The following DDAH1 variants were observed in gnomAD, a reference collection of about 807,000 sequenced individuals.
The protein encoded by DDAH1 is N(G),N(G)-dimethylarginine dimethylaminohydrolase 1.
In DDAH1, 19 loss-of-function variants were observed where a neutral mutation model predicts 28.8. The ratio of observed to expected loss-of-function variants is 0.66; its 90% CI spans 0.46 to 0.97. DDAH1 has a LOEUF of 0.97. Among genes scored for constraint, DDAH1 ranks in the 50% least tolerant of loss-of-function variants. The pLI is 0.00. For synonymous variants in DDAH1, 153 were observed against 154.4 expected, an observed-to-expected ratio of 0.99 and a Z score of 0.07; for missense variants, 326 against 375.9, an observed-to-expected ratio of 0.87 and a Z score of 1.10.
intron 4 of DDAH1, among the ~76,000 whole-genome samples, chr1:85,330,874 G>T (rs233133): frequency 0.37 from 56,135 of 152,042 alleles, 10,473 homozygotes; most frequent in South Asian, 0.42. Context: ...GAGATGAAAA[G>T]CTATCATTTA....
intron 1 of DDAH1, among the ~76,000 whole-genome samples, chr1:85,373,408 C>A (rs970007380): frequency 2.6e-5 from 4 of 151,974 alleles, no homozygotes; most frequent in Admixed American, 2.6e-4. Flanking sequence ...AAAGGAGGGA[C>A]CTGTTATCTC....
chr1:85,352,321 T>A (rs961478381), intron 2 of DDAH1, among the ~76,000 whole-genome samples: 3 of 152,044 alleles, frequency 2.0e-5, no homozygotes, highest in Admixed American at 1.3e-4. Flanking sequence ...CCAGGGTGGG[T>A]TGCCGCCTTG....
intron 1 of DDAH1, among the ~76,000 whole-genome samples, chr1:85,361,448 A>G (rs1267931143): frequency 6.6e-6 from 1 of 152,238 alleles, no homozygotes; most frequent in Admixed American, 6.6e-5. Context: ...TGTGGAACTT[A>G]GCATTACTCA....
intron 1 of DDAH1, among the ~76,000 whole-genome samples, chr1:85,553,641 G>T (rs1658868175): frequency 6.6e-6 from 1 of 152,216 alleles, no homozygotes; most frequent in Non-Finnish European, 1.5e-5. Flanking sequence ...GCACAAATTG[G>T]AGGTCAGAGG....
At chr1:85,418,358 G>T (rs1053477569) in intron 1 of DDAH1, among the ~76,000 whole-genome samples, 1 of 151,950 alleles carries the variant, frequency 6.6e-6, no homozygotes, top group Non-Finnish European at 1.5e-5. Context: ...AATAAAACTC[G>T]GTAAAACAAG....
intron 1 of DDAH1, among the ~76,000 whole-genome samples, chr1:85,414,914 TTTTG>T (rs1652820660): frequency 6.6e-6 from 1 of 151,866 alleles, no homozygotes; most frequent in Admixed American, 6.6e-5. Context: ...ACCACAATGG[TTTTG>T]TTTTTTAAAA....
intron 1 of DDAH1, among the ~76,000 whole-genome samples, chr1:85,371,645 C>G (rs1464638973): frequency 6.6e-6 from 1 of 152,172 alleles, no homozygotes; most frequent in Admixed American, 6.6e-5. Flanking sequence ...ATAGCAAGAA[C>G]AACTTTCAAA....
Position 85,438,452 on chromosome 1 carries a change from C to T in DDAH1, c.303+26291G>A, listed in dbSNP as rs148125426. ...ATGTAGAGGTTTAAAATCTATTTGC[C>T]ATCTGAGAACATTCTGTAGTTCTTC... On this transcript the variant is annotated intron_variant, in intron 1 of 5. Coordinates refer to ENST00000284031, the MANE Select transcript of DDAH1 (RefSeq NM_012137.4). Among the ~76,000 whole-genome samples the T allele has an allele frequency of 7.2e-5, 11 of 152,210 alleles. No homozygotes were observed. In the East Asian group the frequency reaches 2.1e-3, roughly 29 times the overall value.
In DDAH1 at chr1:85,319,722, A is replaced by T. The variant is rs1413057620; in HGVS notation, c.*1730T>A. The T allele has an allele frequency of 6.6e-6, 1 of 152,240 alleles. No homozygotes were observed. Among genetic ancestry groups the T allele is most frequent in the Non-Finnish European group, 1.5e-5 (1 of 68,038 alleles). The allele number at this position is 152,240 out of a possible 1,614,324, so 9.4% of individuals were successfully genotyped here. A position where few individuals can be genotyped will look rare whatever the true frequency, so the allele number is the denominator to read the frequency against. On this transcript the variant is annotated 3_prime_UTR_variant, in exon 6 of 6. Coordinates refer to ENST00000284031, the MANE Select transcript of DDAH1 (RefSeq NM_012137.4). ...TTATTCACAGGATGCACATAATTGG[A>T]TATCTGCATATGGCATGAATTAAAA...
chr1:85,401,956 T>C (rs1332672877), intron 1 of DDAH1, among the ~76,000 whole-genome samples: 1 of 152,198 alleles, frequency 6.6e-6, no homozygotes, highest in African/African-American at 2.4e-5. Context: ...TCCTTTTTAA[T>C]GTGTTCTGAA....
At chr1:85,444,789 A>G (rs753392354) in intron 1 of DDAH1, among the ~76,000 whole-genome samples, 1 of 152,226 alleles carries the variant, frequency 6.6e-6, no homozygotes, top group Non-Finnish European at 1.5e-5. Context: ...AAGTAAGGAC[A>G]ATATGGAGCG....
rs1311490398 is a variant in DDAH1 at position 85,536,966 on chromosome 1, TATATATATATATATATATAC to T, written c.-122-40705_-122-40686del. Among the ~76,000 whole-genome samples the T allele has an allele frequency of 9.4e-4, 70 of 74,826 alleles. 1 individual carries two copies. Among genetic ancestry groups the T allele is most frequent in the Admixed American group, 2.5e-3 (13 of 5,120 alleles). 49.1% of individuals were successfully genotyped at this position (74,826 alleles called of 152,430 possible). ...AATGTGGCATATATATATATATATA[TATATATATATATATATATAC>T]GTATATACATACACACAGTGTGTAT... is the stretch of plus-strand genomic sequence containing the variant. On this transcript the variant is annotated intron_variant, in intron 1 of 6. Coordinates refer to the DDAH1 transcript ENST00000426972.
chr1:85,402,804 G>C (rs897044585), intron 1 of DDAH1, among the ~76,000 whole-genome samples: 1 of 151,766 alleles, frequency 6.6e-6, no homozygotes, highest in Non-Finnish European at 1.5e-5. Flanking sequence ...AGCTACTTGG[G>C]AGGCTGAGAC....
rs142839278 is a variant in DDAH1 at position 85,496,646 on chromosome 1, A to G, written c.-122-365T>C. 3.3e-4 allele frequency among the ~76,000 whole-genome samples: 51 copies of G among 152,314 alleles called. 1 individual carries two copies. The highest frequency in any genetic ancestry group is 1.1e-3 in the African/African-American group (44 of 41,582). On this transcript the variant is annotated intron_variant, in intron 1 of 6. Coordinates refer to the DDAH1 transcript ENST00000426972. ...TTTCCAGTTCCAATTTTTAAGTTAT[A>G]TGTATTAATTTAAGATATTTGTAGC...
At chr1:85,510,865 CT>C (rs1242719450) in intron 1 of DDAH1, among the ~76,000 whole-genome samples, 1 of 152,066 alleles carries the variant, frequency 6.6e-6, no homozygotes, top group African/African-American at 2.4e-5. Context: ...CCTTAGAGAC[CT>C]AAAAAGAGAT....
intron 1 of DDAH1, among the ~76,000 whole-genome samples, chr1:85,431,002 C>T (rs1046755262): frequency 1.3e-5 from 2 of 152,096 alleles, no homozygotes; most frequent in Non-Finnish European, 2.9e-5. Context: ...AGCTTTTACC[C>T]GTTCAGTGTG....
intron 1 of DDAH1, among the ~76,000 whole-genome samples, chr1:85,522,657 CT>C (rs370857155): frequency 4.0e-5 from 6 of 151,346 alleles, no homozygotes; most frequent in African/African-American, 1.5e-4. Flanking sequence ...TTCAGGCTTA[CT>C]TTTTTTTTCC....
chr1:85,479,159 C>CTTTTTTTTT (rs35629726), intron 2 of DDAH1, among the ~76,000 whole-genome samples: 139 of 78,606 alleles, frequency 1.8e-3, no homozygotes, highest in South Asian at 2.8e-3. Flanking sequence ...TTCTGTTTTT[C>CTTTTTTTTT]TTTTTTTTTT....
chr1:85,513,053 A>G (rs1447439115), intron 1 of DDAH1, among the ~76,000 whole-genome samples: 1 of 152,196 alleles, frequency 6.6e-6, no homozygotes, highest in South Asian at 2.1e-4. Flanking sequence ...GACAATCCTA[A>G]GCAGAAAGAA....
Sources: allele counts gnomAD v4.1 joint callset (sites outside exome capture counted in the v4.1 genomes callset), GRCh38; gene constraint gnomAD v4.1.1; transcripts MANE v1.5; gene names NCBI Gene and HGNC (gene_info 2026-07-23, HGNC 2026-07-21).